Variants in NBAS observed in about 807,000 individuals in gnomAD.
The protein encoded by NBAS is NAG/BC035112 fusion.
In NBAS, 219 loss-of-function variants were observed where a neutral mutation model predicts 302.5. That is an observed-to-expected ratio of 0.72 (90% CI 0.65 to 0.81). NBAS has a LOEUF of 0.81. NBAS is among the 30% of genes least tolerant of loss of function. The pLI is 0.00. For missense variants in NBAS, 2,932 were observed against 2,841.6 expected (o/e 1.03, Z -0.72); for synonymous variants, 1,118 against 1,021.6 (o/e 1.09, Z -1.80).
At position 15,238,608 on chromosome 2, in the gene NBAS, T is replaced by C; in HGVS notation, c.5803A>G (p.Arg1935Gly). 6.2e-7 allele frequency: 1 copy of C among 1,613,634 alleles called. No individual in the cohort carries two copies. The highest frequency in any genetic ancestry group is 8.5e-7 in the Non-Finnish European group (1 of 1,179,938). ...VKHFIEKPRK[R>G]NSEDEAQEAK... ...TCTTGAGCTTCGTCTTCTGAGTTTC[T>C]TTTCCTTGGCTTCTCAATAAAATGT... is the stretch of plus-strand genomic sequence containing the variant. The change falls in exon 45 of 52, where the codon AGA becomes GGA. Residue 1935 changes from arginine (R) to glycine (G), a missense_variant. Transcript: ENST00000281513.
intron 48 of NBAS, among the ~76,000 whole-genome samples, chr2:15,191,028 A>G (rs1665331275): frequency 1.3e-5 from 2 of 152,198 alleles, no homozygotes; most frequent in Non-Finnish European, 2.9e-5. Flanking sequence ...GGCAGTCCTA[A>G]AACAAATCAC....
chr2:15,009,209 C>T, the NBAS span, among the ~76,000 whole-genome samples: 1 of 152,080 alleles, frequency 6.6e-6, no homozygotes, highest in East Asian at 1.9e-4. Flanking sequence ...AAGGAATAAC[C>T]TCTCTCTTAA....
At chr2:14,907,838 T>A in the NBAS span, among the ~76,000 whole-genome samples, 1,142 of 152,334 alleles carry the variant, frequency 7.5e-3, 16 homozygotes, top group African/African-American at 0.025. Context: ...AGCTCTGCCA[T>A]GAACTTGCTG....
the NBAS span, among the ~76,000 whole-genome samples, chr2:14,988,024 G>A: frequency 2.0e-5 from 3 of 152,010 alleles, no homozygotes; most frequent in Non-Finnish European, 4.4e-5. Context: ...CATATGATAA[G>A]GTGTCCGTAT....
chr2:15,183,629 CAG>C (rs920260071), intron 50 of NBAS, among the ~76,000 whole-genome samples: 2 of 152,166 alleles, frequency 1.3e-5, no homozygotes, highest in Admixed American at 6.5e-5. Flanking sequence ...AACAAAGATC[CAG>C]AGAGTTTGGG....
intron 6 of NBAS, among the ~76,000 whole-genome samples, chr2:15,549,739 T>C (rs561644171): frequency 5.1e-4 from 77 of 151,868 alleles, no homozygotes; most frequent in African/African-American, 1.9e-3. Flanking sequence ...AAAAAATAAA[T>C]AAATAAATAA....
intron 48 of NBAS, among the ~76,000 whole-genome samples, chr2:15,216,152 A>T (rs1014565590): frequency 4.5e-4 from 68 of 152,346 alleles, no homozygotes; most frequent in African/African-American, 1.6e-3. Context: ...ACACTCACTG[A>T]TTTACTTCTT....
chr2:14,926,316 C>T, the NBAS span, among the ~76,000 whole-genome samples: 1,539 of 152,220 alleles, frequency 0.01, 22 homozygotes, highest in Middle Eastern at 0.034. Flanking sequence ...CTCTAGGCTT[C>T]CCTAGAGCAG....
chr2:15,370,919 T>C (rs1434214093), intron 31 of NBAS, among the ~76,000 whole-genome samples: 1 of 152,200 alleles, frequency 6.6e-6, no homozygotes, highest in East Asian at 1.9e-4. Context: ...TTTGGGGGAC[T>C]GCAGGGAAGG....
intron 44 of NBAS, among the ~76,000 whole-genome samples, chr2:15,262,201 G>T (rs1392805862): frequency 6.6e-6 from 1 of 152,160 alleles, no homozygotes; most frequent in African/African-American, 2.4e-5. Flanking sequence ...AAGCAACATA[G>T]CCCCAGTTAT....
At chr2:15,549,097 C>G (rs1445227181) in intron 6 of NBAS, among the ~76,000 whole-genome samples, 2 of 152,128 alleles carry the variant, frequency 1.3e-5, no homozygotes, top group Admixed American at 1.3e-4. Context: ...ATGTGTCAGA[C>G]ACTATGCCGA....
chr2:15,473,563 C>A (rs910594733), intron 15 of NBAS, among the ~76,000 whole-genome samples: 1 of 152,160 alleles, frequency 6.6e-6, no homozygotes, highest in Admixed American at 6.5e-5. Context: ...ATAAAAGGTG[C>A]AAAGCTCTCG....
At chr2:14,875,833 T>C in the NBAS span, among the ~76,000 whole-genome samples, 2 of 152,188 alleles carry the variant, frequency 1.3e-5, no homozygotes, top group Non-Finnish European at 2.9e-5. Flanking sequence ...GGCAAACTAC[T>C]TTTGTCCTCC....
intron 31 of NBAS, among the ~76,000 whole-genome samples, chr2:15,369,816 TAC>T (rs376893108): frequency 9.9e-5 from 15 of 151,714 alleles, no homozygotes; most frequent in South Asian, 2.1e-4. Context: ...AACACACGTA[TAC>T]ACACACACAC....
intron 48 of NBAS, among the ~76,000 whole-genome samples, chr2:15,209,374 T>G (rs903917799): frequency 3.9e-5 from 6 of 152,080 alleles, no homozygotes; most frequent in East Asian, 3.9e-4. Flanking sequence ...TAAAGAAGAA[T>G]AATACCAATC....
intron 6 of NBAS, among the ~76,000 whole-genome samples, chr2:15,547,760 C>T (rs1223676029): frequency 6.6e-6 from 1 of 152,134 alleles, no homozygotes; most frequent in African/African-American, 2.4e-5. Context: ...ATTGAATACC[C>T]ACCAAATTAT....
chr2:14,786,793 A>G, the NBAS span, among the ~76,000 whole-genome samples: 1 of 152,120 alleles, frequency 6.6e-6, no homozygotes, highest in Non-Finnish European at 1.5e-5. Flanking sequence ...AAAAATGTAT[A>G]TTCTGTTGAT....
intron 41 of NBAS, among the ~76,000 whole-genome samples, chr2:15,292,267 G>A (rs758227580): frequency 7.9e-5 from 12 of 152,208 alleles, no homozygotes; most frequent in Non-Finnish European, 1.6e-4. Context: ...TTACAGGCAT[G>A]AGCCACCACA....
intron 47 of NBAS, among the ~76,000 whole-genome samples, chr2:15,220,070 G>A (rs1407553053): frequency 5.6e-5 from 8 of 143,404 alleles, no homozygotes; most frequent in South Asian, 2.2e-4. Flanking sequence ...GCGGCTGGCC[G>A]GGCGGGGGGC....
Sources: gnomAD v4.1 joint callset for allele counts (sites outside exome capture counted in the v4.1 genomes callset) on GRCh38, gnomAD v4.1.1 for gene constraint, MANE v1.5 for transcripts, NCBI Gene and HGNC (gene_info 2026-07-23, HGNC 2026-07-21) for gene names.